Variants in BST1 observed in about 807,000 individuals in gnomAD.
The protein encoded by BST1 is ADP-ribosyl cyclase/cyclic ADP-ribose hydrolase 2.
BST1 carries 49 observed loss-of-function variants against 40.6 expected under a neutral mutation model. The ratio of observed to expected loss-of-function variants is 1.21; its 90% confidence interval spans 0.96 to 1.53. The LOEUF (loss-of-function observed/expected upper bound fraction) is 1.53, where lower values mean the gene tolerates loss of function less well. Ranked by LOEUF, BST1 falls within the 40% of genes most tolerant of loss-of-function variation. BST1 has a pLI of 0.00. For missense variants in BST1, 423 were observed against 395.9 expected, an observed-to-expected ratio of 1.07 and a Z score of -0.58; for synonymous variants, 157 against 159.3, an observed-to-expected ratio of 0.99 and a Z score of 0.11.
chr4:15,722,785 T>A lies in BST1; in HGVS notation c.792-90T>A. On this transcript the variant is annotated intron_variant, in intron 7 of 8. Coordinates refer to ENST00000265016, the MANE Select transcript of BST1 (RefSeq NM_004334.3). ...TGTATTATTTGAGGTCAGAGACTAC[T>A]GTATCTCCAGGACTTTTCAGGCAAG... is the stretch of plus-strand genomic sequence containing the variant. The A allele has an allele frequency of 2.8e-6, 3 of 1,073,942 alleles. No homozygotes were observed. The South Asian group carries it at 4.0e-5, about 14-fold the overall frequency. The allele number at this position is 1,073,942 out of a possible 1,614,324, so 66.5% of individuals were successfully genotyped here. A position where few individuals can be genotyped will look rare whatever the true frequency, so the allele number is the denominator to read the frequency against.
At chr4:15,758,388 C>T in the BST1 span, among the ~76,000 whole-genome samples, 1 of 152,134 alleles carries the variant, frequency 6.6e-6, no homozygotes. Flanking sequence ...AACGTGAGAA[C>T]ATGTGGCATT....
At chr4:15,703,475 A>C in intron 1 of BST1, 143 bp downstream of exon 1, 3 of 1,320,894 alleles carry the variant, frequency 2.3e-6, no homozygotes, top group Non-Finnish European at 2.0e-6. Context: ...GGAGACAGCG[A>C]TGGTCCTGAA....
chr4:15,754,695 A>G, the BST1 span, among the ~76,000 whole-genome samples: 1 of 152,218 alleles, frequency 6.6e-6, no homozygotes, highest in Non-Finnish European at 1.5e-5. Context: ...TTTGTAATTT[A>G]AGTACGTAGA....
downstream of BST1, among the ~76,000 whole-genome samples, chr4:15,737,552 TGCC>T (rs1721614144): frequency 2.0e-5 from 3 of 152,276 alleles, no homozygotes; most frequent in African/African-American, 7.2e-5. Context: ...ACCAGCTCCA[TGCC>T]TGGCACACTT....
chr4:15,759,325 T>C, the BST1 span, among the ~76,000 whole-genome samples: 1 of 151,840 alleles, frequency 6.6e-6, no homozygotes, highest in African/African-American at 2.4e-5. Flanking sequence ...CCTCTGAAAA[T>C]GCTGTATTCA....
chr4:15,766,096 T>C, the BST1 span, among the ~76,000 whole-genome samples: 6 of 151,956 alleles, frequency 3.9e-5, no homozygotes, highest in Non-Finnish European at 5.9e-5. Context: ...ACCAGGGACT[T>C]GCTAGCCACT....
the BST1 span, among the ~76,000 whole-genome samples, chr4:15,747,056 T>C: frequency 1.3e-5 from 2 of 152,188 alleles, no homozygotes; most frequent in Non-Finnish European, 2.9e-5. Context: ...CACTATGTTA[T>C]ATGCTTGCTG....
At chr4:15,772,074 G>C in the BST1 span, among the ~76,000 whole-genome samples, 2 of 151,872 alleles carry the variant, frequency 1.3e-5, no homozygotes, top group Non-Finnish European at 2.9e-5. Context: ...GGGAGTTCAG[G>C]GAAGAAGAAA....
At chr4:15,757,353 G>A in the BST1 span, among the ~76,000 whole-genome samples, 1 of 152,154 alleles carries the variant, frequency 6.6e-6, no homozygotes, top group African/African-American at 2.4e-5. Flanking sequence ...CCAGGAGGGT[G>A]GAGGTAGACC....
chr4:15,759,507 CCTTAA>C, the BST1 span, among the ~76,000 whole-genome samples: 1 of 151,842 alleles, frequency 6.6e-6, no homozygotes, highest in South Asian at 2.1e-4. Flanking sequence ...TTTTCTTCTA[CCTTAA>C]CTTCTCATCT....
At chr4:15,759,040 CACACGTATCTGT>C in the BST1 span, among the ~76,000 whole-genome samples, 40 of 152,022 alleles carry the variant, frequency 2.6e-4, no homozygotes, top group South Asian at 8.1e-3. Flanking sequence ...CCATTTCCAC[CACACGTATCTGT>C]GTGTCCTCAG....
Position 15,703,168 on chromosome 4 carries a change from A to T in BST1, c.24A>T (p.Ala8=), listed in dbSNP as rs765117740. ...CGATGGCGGCCCAGGGGTGCGCGGCATCGCGGCTGCTCCAGCTGCTGCTGC... is the reference window on the plus strand; with the variant it reads ...CGATGGCGGCCCAGGGGTGCGCGGCTTCGCGGCTGCTCCAGCTGCTGCTGC... MAAQGCA[A]SRLLQLLLQL... is the part of the protein sequence containing the mutation. The change falls in exon 1 of 9, where the codon GCA becomes GCT. Residue 8 remains alanine, a synonymous_variant. Transcript: ENST00000265016. The T allele has an allele frequency of 2.4e-5, 38 of 1,568,636 alleles. No individual in the cohort carries two copies. The South Asian group carries it at 4.2e-4, about 17-fold the overall frequency.
chr4:15,748,300 G>A, the BST1 span, among the ~76,000 whole-genome samples: 1 of 152,214 alleles, frequency 6.6e-6, no homozygotes, highest in African/African-American at 2.4e-5. Context: ...CTGAAGCTTA[G>A]TTATTTGTCT....
At chr4:15,726,142 T>TTTTG (rs1721101818) in intron 8 of BST1, among the ~76,000 whole-genome samples, 2 of 147,520 alleles carry the variant, frequency 1.4e-5, no homozygotes, top group African/African-American at 5.0e-5. Flanking sequence ...TAAAGTTTTT[T>TTTTG]TTTTTTTTTT....
At chr4:15,715,417 T>C in intron 5 of BST1, 56 bp downstream of exon 5, 2 of 1,537,000 alleles carry the variant, frequency 1.3e-6, no homozygotes, top group Non-Finnish European at 9.0e-7. Context: ...TTTATTTAAT[T>C]GTTTTAAATA....
At chr4:15,746,046 G>C in the BST1 span, among the ~76,000 whole-genome samples, 1 of 152,210 alleles carries the variant, frequency 6.6e-6, no homozygotes, top group Admixed American at 6.5e-5. Flanking sequence ...TAGTCAAGGT[G>C]AATGAACTGC....
chr4:15,703,508 G>T (rs1183928679), intron 1 of BST1, among the ~76,000 whole-genome samples, 176 bp downstream of exon 1: 1 of 151,382 alleles, frequency 6.6e-6, no homozygotes, highest in African/African-American at 2.4e-5. Flanking sequence ...GTGAGGAGGG[G>T]GCTGTGAAGT....
the BST1 span, among the ~76,000 whole-genome samples, chr4:15,744,616 C>A: frequency 6.6e-6 from 1 of 152,136 alleles, no homozygotes; most frequent in African/African-American, 2.4e-5. Flanking sequence ...GAAAGTTCAA[C>A]AATAAGCAGC....
intron 8 of BST1, among the ~76,000 whole-genome samples, chr4:15,729,920 A>G (rs1193228230): frequency 6.6e-6 from 1 of 152,216 alleles, no homozygotes; most frequent in African/African-American, 2.4e-5. Context: ...GAAACTGGAA[A>G]AAGATGAAGG....
Sources: allele counts gnomAD v4.1 joint callset (sites outside exome capture counted in the v4.1 genomes callset), GRCh38; gene constraint gnomAD v4.1.1; transcripts MANE v1.5; gene names NCBI Gene and HGNC (gene_info 2026-07-23, HGNC 2026-07-21).